The following CTNND2 variants were observed in gnomAD, a reference collection of about 807,000 sequenced individuals.
CTNND2 encodes catenin delta 2, also known as catenin delta-2.
Under a neutral mutation model 144.4 loss-of-function variants are expected in CTNND2, and 22 were observed. The observed-to-expected ratio is 0.15, with a 90% CI of 0.11 to 0.22. The LOEUF (loss-of-function observed/expected upper bound fraction) is 0.22. Among genes scored for constraint, CTNND2 ranks in the 10% least tolerant of loss-of-function variants. The pLI, the probability that CTNND2 is intolerant of heterozygous loss-of-function variation, is 1.00. For synonymous variants in CTNND2, 751 were observed against 695.6 expected (o/e 1.08, Z -1.25); for missense variants, 1,353 against 1,618.8 (o/e 0.84, Z 2.82).
intron 9 of CTNND2, among the ~76,000 whole-genome samples, chr5:11,333,643 G>C (rs888076082): frequency 6.6e-6 from 1 of 152,186 alleles, no homozygotes; most frequent in Non-Finnish European, 1.5e-5. Flanking sequence ...ACACCTCACA[G>C]GTTCATAGGA....
At position 11,849,962 on chromosome 5, in the gene CTNND2, G is replaced by C. The variant is rs1794938346; in HGVS notation, c.37+53855C>G. On this transcript the variant is annotated intron_variant, in intron 1 of 21. Transcript: ENST00000304623. ...CCAGCAATCTGGCCATAAGATAGGAGGTTTAAAATACACCCAGCACTCCAC... is the reference window on the plus strand; with the variant it reads ...CCAGCAATCTGGCCATAAGATAGGACGTTTAAAATACACCCAGCACTCCAC... Among the ~76,000 whole-genome samples, 3 of 152,184 alleles carry C rather than the reference G, an allele frequency of 2.0e-5. No individual in the cohort carries two copies. The South Asian group carries it at 6.2e-4, about 32-fold the overall frequency.
At chr5:11,488,803 T>C (rs1414795943) in intron 3 of CTNND2, among the ~76,000 whole-genome samples, 1 of 152,182 alleles carries the variant, frequency 6.6e-6, no homozygotes, top group Non-Finnish European at 1.5e-5. Context: ...TACTAATAAA[T>C]TGTCATATAC....
intron 2 of CTNND2, among the ~76,000 whole-genome samples, chr5:11,627,942 A>G (rs1051009804): frequency 1.3e-5 from 2 of 151,738 alleles, no homozygotes; most frequent in African/African-American, 4.8e-5. Context: ...TCACGTTCTT[A>G]TAAGAATCCC....
At chr5:11,478,861 G>C (rs887679335) in intron 3 of CTNND2, among the ~76,000 whole-genome samples, 2 of 152,130 alleles carry the variant, frequency 1.3e-5, no homozygotes, top group African/African-American at 4.8e-5. Context: ...GTTAAGAGAC[G>C]TCAGACGGCC....
intron 6 of CTNND2, among the ~76,000 whole-genome samples, chr5:11,396,269 G>A (rs139774575): frequency 1.8e-4 from 28 of 152,162 alleles, no homozygotes; most frequent in South Asian, 1.2e-3. Flanking sequence ...TAACTCTGGC[G>A]TGATGATCAA....
chr5:11,652,297 T>C (rs1250005461), intron 2 of CTNND2, among the ~76,000 whole-genome samples: 3 of 152,062 alleles, frequency 2.0e-5, no homozygotes, highest in Admixed American at 2.0e-4. Flanking sequence ...TGCTTCCCTT[T>C]TGCCTTCTGT....
Position 11,004,787 on chromosome 5 carries a change from A to G in CTNND2, c.3085-12110T>C, listed in dbSNP as rs1052207643. On this transcript the variant is annotated intron_variant, in intron 18 of 21. Transcript: ENST00000304623. The stretch of plus-strand genomic sequence containing the variant: ...CCTTCTCACAAAAAAAAAAAAAAAA[A>G]AAAGAAAAATGCTAATGACAATGTG... Among the ~76,000 whole-genome samples the G allele has an allele frequency of 1.7e-4, 26 of 152,090 alleles. No homozygotes were observed. The South Asian group carries it at 2.9e-3, about 17-fold the overall frequency.
chr5:11,084,511 A>G (rs555154316), intron 15 of CTNND2, among the ~76,000 whole-genome samples: 1 of 152,368 alleles, frequency 6.6e-6, no homozygotes, highest in Middle Eastern at 3.4e-3. Context: ...AATGCAAATC[A>G]GGGTGTGGGG....
At chr5:11,638,739 A>AT (rs995423297) in intron 2 of CTNND2, among the ~76,000 whole-genome samples, 1 of 151,976 alleles carries the variant, frequency 6.6e-6, no homozygotes, top group Non-Finnish European at 1.5e-5. Flanking sequence ...ACACCAGGCT[A>AT]TTTTTTGTAT....
intron 10 of CTNND2, among the ~76,000 whole-genome samples, chr5:11,214,602 C>G (rs1475320138): frequency 6.6e-6 from 1 of 152,194 alleles, no homozygotes; most frequent in East Asian, 1.9e-4. Context: ...CCAATCAGAT[C>G]ATGTTGATCA....
At chr5:11,360,599 C>T (rs1407513892) in intron 8 of CTNND2, among the ~76,000 whole-genome samples, 1 of 152,204 alleles carries the variant, frequency 6.6e-6, no homozygotes, top group Non-Finnish European at 1.5e-5. Flanking sequence ...CACACCTTTC[C>T]ATGCCCCAAC....
intron 1 of CTNND2, among the ~76,000 whole-genome samples, chr5:11,877,671 C>A (rs1735665324): frequency 1.3e-5 from 2 of 151,448 alleles, no homozygotes; most frequent in African/African-American, 4.9e-5. Context: ...TCAAGGTTTG[C>A]AAAAAAAATT....
chr5:11,251,028 T>A (rs1030028190), intron 9 of CTNND2, among the ~76,000 whole-genome samples: 3 of 151,970 alleles, frequency 2.0e-5, no homozygotes, highest in African/African-American at 4.8e-5. Context: ...CTGAAGCCAC[T>A]AGGAAAAAAA....
chr5:11,023,036 G>C (rs1742439315), intron 16 of CTNND2, 57 bp from the exon 17 acceptor site: 3 of 1,494,168 alleles, frequency 2.0e-6, no homozygotes, highest in Non-Finnish European at 2.8e-6. Context: ...GGCAGAGATA[G>C]TGGCAGAGGT....
chr5:11,464,620 T>G (rs2149941128), intron 3 of CTNND2, among the ~76,000 whole-genome samples: 2 of 152,280 alleles, frequency 1.3e-5, no homozygotes, highest in South Asian at 2.1e-4. Context: ...ATGCTGATAC[T>G]TATGCTGAGA....
At chr5:11,503,117 G>C (rs562624595) in intron 3 of CTNND2, among the ~76,000 whole-genome samples, 5 of 152,090 alleles carry the variant, frequency 3.3e-5, no homozygotes, top group South Asian at 4.1e-4. Flanking sequence ...ATTTCATAGG[G>C]GTCAGCTCGC....
intron 2 of CTNND2, among the ~76,000 whole-genome samples, chr5:11,729,546 C>T (rs1251426148): frequency 1.3e-5 from 2 of 152,078 alleles, no homozygotes; most frequent in African/African-American, 2.4e-5. Context: ...CTCATTTTTA[C>T]TAATGACTGC....
chr5:11,424,865 A>G (rs1762652071), intron 3 of CTNND2, among the ~76,000 whole-genome samples: 1 of 152,216 alleles, frequency 6.6e-6, no homozygotes, highest in African/African-American at 2.4e-5. Flanking sequence ...AGAGAAAAAA[A>G]GAAACCATTG....
chr5:11,194,131 C>T (rs1047116765), intron 11 of CTNND2, among the ~76,000 whole-genome samples: 5 of 152,042 alleles, frequency 3.3e-5, no homozygotes, highest in African/African-American at 1.2e-4. Flanking sequence ...GGTGAGCTGA[C>T]AGATGGAGCT....
Sources: allele counts gnomAD v4.1 joint callset (sites outside exome capture counted in the v4.1 genomes callset), GRCh38; gene constraint gnomAD v4.1.1; transcripts MANE v1.5; gene names NCBI Gene and HGNC (gene_info 2026-07-23, HGNC 2026-07-21).